Variants in LEKR1 observed in about 807,000 individuals in gnomAD.
LEKR1 encodes leucine, glutamate and lysine rich 1.
LEKR1 carries 59 observed loss-of-function variants against 72.4 expected under a neutral mutation model. That is an observed-to-expected ratio of 0.82 (90% confidence interval 0.66 to 1.01). LEKR1 has a LOEUF of 1.01. Ranked by LOEUF, LEKR1 falls within the 50% of genes least tolerant of loss-of-function variation. The pLI is 0.00. For synonymous variants in LEKR1, 257 were observed against 263.2 expected, an observed-to-expected ratio of 0.98 and a Z score of 0.23; for missense variants, 728 against 759.2, an observed-to-expected ratio of 0.96 and a Z score of 0.48.
chr3:156,932,172 T>C (rs1304446820), intron 5 of LEKR1, among the ~76,000 whole-genome samples: 3 of 152,202 alleles, frequency 2.0e-5, no homozygotes, highest in Non-Finnish European at 4.4e-5. Flanking sequence ...TTGTAGAATC[T>C]AAGTAATGTG....
chr3:157,045,278 C>CTA, intron 12 of LEKR1, 62 bp from the exon 13 acceptor site: 1 of 1,365,692 alleles, frequency 7.3e-7, no homozygotes, highest in African/African-American at 1.4e-5. Flanking sequence ...TTGTCCGTAA[C>CTA]TATCTACTTA....
chr3:157,045,738 GA>G lies in LEKR1; in HGVS notation c.2068del (p.Ser690ValfsTer7). On this transcript the variant is annotated frameshift_variant, in exon 13 of 13. Coordinates refer to ENST00000356539, the MANE Select transcript of LEKR1 (RefSeq NM_001004316.3). LOFTEE classifies it high-confidence loss of function. ...TGGCTGCCATTCTTAGGAGAAGGCGGAGTCAGCAATGATCCAAAATGAGGAG... is the reference window on the plus strand; with the variant it reads ...TGGCTGCCATTCTTAGGAGAAGGCGGGTCAGCAATGATCCAAAATGAGGAG... ...RLAAILRRRR[S>X]QQ 1 of 1,607,930 alleles carries G rather than the reference GA, an allele frequency of 6.2e-7. No individual in the cohort carries two copies. The highest frequency in any genetic ancestry group is 8.5e-7 in the Non-Finnish European group (1 of 1,179,882).
At chr3:156,879,652 G>C (rs1255590021) in intron 3 of LEKR1, among the ~76,000 whole-genome samples, 2 of 152,200 alleles carry the variant, frequency 1.3e-5, no homozygotes, top group Admixed American at 6.5e-5. Flanking sequence ...GACTTTTGCA[G>C]CAGCCCCTTC....
intron 4 of LEKR1, 30 bp from the exon 5 acceptor site, chr3:156,927,399 A>T (rs898817182): frequency 1.1e-6 from 1 of 906,070 alleles, no homozygotes; most frequent in Non-Finnish European, 1.4e-6. Context: ...ACTATTTTTT[A>T]AAATCCTATT....
intron 3 of LEKR1, among the ~76,000 whole-genome samples, chr3:156,893,792 G>A (rs535191426): frequency 3.3e-5 from 5 of 152,254 alleles, no homozygotes; most frequent in Non-Finnish European, 7.4e-5. Flanking sequence ...TGCAAAAATA[G>A]CATAATATAG....
intron 12 of LEKR1, among the ~76,000 whole-genome samples, chr3:157,042,481 G>C (rs896658512): frequency 1.4e-4 from 21 of 152,288 alleles, no homozygotes; most frequent in Non-Finnish European, 1.9e-4. Flanking sequence ...GCACAGTTCA[G>C]CTTAGAGTCT....
At chr3:156,935,760 G>A (rs1725638922) in intron 5 of LEKR1, among the ~76,000 whole-genome samples, 1 of 152,236 alleles carries the variant, frequency 6.6e-6, no homozygotes, top group South Asian at 2.1e-4. Context: ...CACTAGAAAT[G>A]TGGATATAGC....
At chr3:156,997,745 G>A (rs1475330717) in intron 9 of LEKR1, among the ~76,000 whole-genome samples, 1 of 152,174 alleles carries the variant, frequency 6.6e-6, no homozygotes, top group Non-Finnish European at 1.5e-5. Context: ...TTTCAGAAGA[G>A]AAGAAAACGA....
At chr3:156,982,675 A>C (rs1267322519) in intron 7 of LEKR1, among the ~76,000 whole-genome samples, 1 of 152,120 alleles carries the variant, frequency 6.6e-6, no homozygotes, top group Non-Finnish European at 1.5e-5. Context: ...AGCTTGATGA[A>C]ATTTTCTACA....
At chr3:156,845,136 GA>G (rs1289119176) in intron 2 of LEKR1, among the ~76,000 whole-genome samples, 4 of 151,950 alleles carry the variant, frequency 2.6e-5, no homozygotes, top group Admixed American at 1.3e-4. Flanking sequence ...TTTGGCATCT[GA>G]ATATCCTCTT....
intron 11 of LEKR1, among the ~76,000 whole-genome samples, chr3:157,027,229 C>T (rs967805175): frequency 4.8e-4 from 73 of 151,494 alleles, no homozygotes; most frequent in African/African-American, 1.6e-3. Flanking sequence ...TTTACCAGCA[C>T]CGTCAGTAGT....
intron 3 of LEKR1, among the ~76,000 whole-genome samples, chr3:156,885,330 G>A (rs1282339270): frequency 1.3e-5 from 2 of 152,192 alleles, no homozygotes; most frequent in Non-Finnish European, 2.9e-5. Context: ...GGGAGCTGGT[G>A]TGATCTTTTG....
intron 3 of LEKR1, among the ~76,000 whole-genome samples, chr3:156,898,512 A>C (rs1472037525): frequency 3.3e-5 from 5 of 152,178 alleles, no homozygotes; most frequent in Non-Finnish European, 5.9e-5. Context: ...CTCACCAGAC[A>C]CCGGACCTGC....
intron 3 of LEKR1, among the ~76,000 whole-genome samples, chr3:156,857,581 C>T: frequency 6.6e-6 from 1 of 152,120 alleles, no homozygotes; most frequent in East Asian, 1.9e-4. Flanking sequence ...ACCAGTTGAG[C>T]ATCTAATCTG....
chr3:156,979,679 G>C (rs1051941187), intron 7 of LEKR1: 1 of 153,070 alleles, frequency 6.5e-6, no homozygotes, highest in African/African-American at 2.4e-5. Context: ...ACTAATTTTA[G>C]CTTCAAAGAG....
chr3:157,035,101 G>T (rs1455177370), intron 12 of LEKR1, among the ~76,000 whole-genome samples: 1 of 152,136 alleles, frequency 6.6e-6, no homozygotes, highest in African/African-American at 2.4e-5. Context: ...TTAAATTAAG[G>T]TATGTACATT....
intron 12 of LEKR1, among the ~76,000 whole-genome samples, chr3:157,042,642 C>T (rs1735437092): frequency 6.6e-6 from 1 of 152,052 alleles, no homozygotes; most frequent in Admixed American, 6.6e-5. Context: ...TACTCCTTTC[C>T]TTTGAGACTT....
At chr3:156,860,237 G>T (rs1054657569) in intron 3 of LEKR1, among the ~76,000 whole-genome samples, 3 of 152,262 alleles carry the variant, frequency 2.0e-5, no homozygotes, top group African/African-American at 7.2e-5. Context: ...TTCTAAAGAA[G>T]GTAATTGGTT....
At chr3:157,039,715 C>T (rs570825263) in intron 12 of LEKR1, among the ~76,000 whole-genome samples, 2 of 152,244 alleles carry the variant, frequency 1.3e-5, no homozygotes, top group Non-Finnish European at 2.9e-5. Context: ...TATTTGCAAG[C>T]ACAAATAGTT....
Sources: gnomAD v4.1 joint callset for allele counts (sites outside exome capture counted in the v4.1 genomes callset) on GRCh38, gnomAD v4.1.1 for gene constraint, MANE v1.5 for transcripts, NCBI Gene and HGNC (gene_info 2026-07-23, HGNC 2026-07-21) for gene names.